SENP2: variants seen among roughly 807,000 people sequenced by gnomAD.
SENP2 encodes the protein SUMO specific peptidase 2.
SENP2 carries 16 observed loss-of-function variants against 86.3 expected under a neutral mutation model. That is an observed-to-expected ratio of 0.19 (90% CI 0.13 to 0.28). The LOEUF is 0.28. Among genes scored for constraint, SENP2 ranks in the 10% least tolerant of loss-of-function variants. SENP2 has a pLI of 1.00. For missense variants in SENP2, 552 were observed against 703.0 expected (o/e 0.79, Z 2.43); for synonymous variants, 222 against 238.7 (o/e 0.93, Z 0.64).
chr3:185,601,121 G>A lies in SENP2; in HGVS notation c.449+266G>A, dbSNP rs146095255. On this transcript the variant is annotated intron_variant, in intron 5 of 16. Coordinates refer to ENST00000296257, the MANE Select transcript of SENP2 (RefSeq NM_021627.3). ...TGCATTGGTGCGATCTTGGCTCACTGTGACCTCTGCCTTCCAGGTTCAAGC... is the reference window on the plus strand; with the variant it reads ...TGCATTGGTGCGATCTTGGCTCACTATGACCTCTGCCTTCCAGGTTCAAGC... Among the ~76,000 whole-genome samples the A allele has an allele frequency of 4.2e-3, 579 of 137,928 alleles. 7 individuals are homozygous for A. The highest frequency in any genetic ancestry group is 0.015 in the African/African-American group (540 of 36,430). The allele number at this position is 137,928 out of a possible 152,430, so 90.5% of individuals were successfully genotyped here. A position where few individuals can be genotyped will look rare whatever the true frequency, so the allele number is the denominator to read the frequency against.
chr3:185,597,920 C>G (rs932126516), intron 2 of SENP2, among the ~76,000 whole-genome samples: 1 of 152,100 alleles, frequency 6.6e-6, no homozygotes, highest in Non-Finnish European at 1.5e-5. Context: ...TCCCAAAGTG[C>G]TGGGATTACA....
At position 185,609,248 on chromosome 3, in the gene SENP2, G is replaced by C; in HGVS notation, c.620G>C (p.Gly207Ala). The C allele has an allele frequency of 1.2e-6, 2 of 1,606,918 alleles. No individual in the cohort carries two copies. Among genetic ancestry groups the C allele is most frequent in the Non-Finnish European group, 1.7e-6 (2 of 1,173,842 alleles). The change falls in exon 7 of 17, where the codon GGT becomes GCT. Residue 207 changes from glycine (G) to alanine (A), a missense_variant and splice_region_variant. By Grantham distance (60) the Gly-to-Ala change is moderately conservative. This residue lies in a region of SENP2 where 383 missense variants were observed against 427.3 expected (regional missense o/e 0.90). Coordinates refer to ENST00000296257, the MANE Select transcript of SENP2 (RefSeq NM_021627.3). ...LRRPHCTVEE[G>A]VQKEEREKYR... ...TCTAACATGCTTTCTTTTATTTAGG[G>C]TGTTCAAAAAGAGGAAAGAGAGAAG...
chr3:185,596,805 G>A (rs906901823), intron 2 of SENP2, among the ~76,000 whole-genome samples: 5 of 152,064 alleles, frequency 3.3e-5, no homozygotes, highest in African/African-American at 1.2e-4. Flanking sequence ...TATGCTCCTT[G>A]TTGTTTAATC....
chr3:185,607,319 CTTTTTTT>C (rs758884593), intron 6 of SENP2, among the ~76,000 whole-genome samples: 12 of 66,010 alleles, frequency 1.8e-4, no homozygotes, highest in African/African-American at 3.5e-4. Flanking sequence ...AGATTAGATT[CTTTTTTT>C]TTTTTTTTTT....
intron 1 of SENP2, among the ~76,000 whole-genome samples, chr3:185,587,894 C>T (rs2148978337): frequency 6.6e-6 from 1 of 150,822 alleles, no homozygotes; most frequent in African/African-American, 2.4e-5. Context: ...GCCACTGCAC[C>T]CGGCTTATAT....
At chr3:185,590,049 T>G (rs1170844028) in intron 1 of SENP2, 65 bp from the exon 2 acceptor site, 6 of 907,314 alleles carry the variant, frequency 6.6e-6, no homozygotes, top group Non-Finnish European at 9.9e-6. Flanking sequence ...AATAGTAAGT[T>G]TACTTACAGA....
Position 185,609,250 on chromosome 3 carries a change from G to A in SENP2, c.622G>A (p.Val208Ile). 1.2e-6 allele frequency: 2 copies of A among 1,609,866 alleles called. No individual in the cohort carries two copies. Among genetic ancestry groups the A allele is most frequent in the Middle Eastern group, 1.7e-4 (1 of 6,048 alleles). ...TAACATGCTTTCTTTTATTTAGGGT[G>A]TTCAAAAAGAGGAAAGAGAGAAGTA... ...RRPHCTVEEG[V>I]QKEEREKYRK... Residue 208 changes from valine to isoleucine, a missense_variant, in exon 7 of 17, where the codon GTT becomes ATT. Val to Ile is a conservative substitution (Grantham distance 29, BLOSUM62 3). Coordinates refer to ENST00000296257, the MANE Select transcript of SENP2 (RefSeq NM_021627.3).
intron 14 of SENP2, among the ~76,000 whole-genome samples, chr3:185,623,107 G>A (rs975087229): frequency 6.6e-6 from 1 of 151,476 alleles, no homozygotes; most frequent in African/African-American, 2.4e-5. Flanking sequence ...GTGAGCCACC[G>A]TGCCCGGTGG....
chr3:185,589,565 A>G (rs1203107728), intron 1 of SENP2, among the ~76,000 whole-genome samples: 1 of 152,242 alleles, frequency 6.6e-6, no homozygotes, highest in Non-Finnish European at 1.5e-5. Context: ...ATTATTTGGT[A>G]AGAAGTTTGT....
At chr3:185,604,469 A>C (rs186704443) in intron 5 of SENP2, among the ~76,000 whole-genome samples, 8 of 152,154 alleles carry the variant, frequency 5.3e-5, no homozygotes, top group Admixed American at 4.6e-4. Context: ...GGTGTTAGTG[A>C]TTTTTCTGTC....
At chr3:185,592,872 C>G (rs572930612) in intron 2 of SENP2, among the ~76,000 whole-genome samples, 36 of 152,304 alleles carry the variant, frequency 2.4e-4, no homozygotes, top group Non-Finnish European at 4.0e-4. Context: ...CTGCCTTGGC[C>G]TCCCAAAGTG....
chr3:185,612,533 C>T, intron 8 of SENP2, 74 bp from the exon 9 acceptor site: 1 of 1,095,248 alleles, frequency 9.1e-7, no homozygotes, highest in Non-Finnish European at 1.4e-6. Flanking sequence ...TGTGGAAACT[C>T]TGTAAGCTGA....
Position 185,586,441 on chromosome 3 carries a change from G to A in SENP2, c.28G>A (p.Gly10Ser). The A allele has an allele frequency of 6.2e-7, 1 of 1,614,050 alleles. No homozygotes were observed. Among genetic ancestry groups the A allele is most frequent in the Non-Finnish European group, 8.5e-7 (1 of 1,180,002 alleles). The change falls in exon 1 of 17, where the codon GGC becomes AGC. Residue 10 changes from glycine (G) to serine (S), a missense_variant. Gly to Ser is a moderately conservative substitution (Grantham distance 56, BLOSUM62 0). Around this residue, in one of 2 missense-constraint regions of SENP2, gnomAD observed 383 missense variants for 427.3 expected, o/e 0.90. Transcript: ENST00000296257. This position sits in a 1 kb window ranked among gnomAD's most constrained non-coding sequence, Gnocchi z 4.3. Reference protein sequence around the residue: MYRWLVRILGTIFRFCDRSV... With the variant: MYRWLVRILSTIFRFCDRSV... Reference sequence around the variant, plus strand: ...GTACAGATGGCTGGTTAGGATTCTCGGCACCATTTTCCGTTTCTGCGACCG... The same window carrying A: ...GTACAGATGGCTGGTTAGGATTCTCAGCACCATTTTCCGTTTCTGCGACCG...
chr3:185,612,668 T>C lies in SENP2; in HGVS notation c.869+10T>C. On this transcript the variant is annotated intron_variant, in intron 9 of 16. Coordinates refer to ENST00000296257, the MANE Select transcript of SENP2 (RefSeq NM_021627.3). The stretch of plus-strand genomic sequence containing the variant: ...TGAGAAGTGAAAAGAGGTACGTACA[T>C]TCAGTTCATTCTACACTTTCTTTTA... The C allele has an allele frequency of 6.3e-7, 1 of 1,575,390 alleles. No individual in the cohort carries two copies. Among genetic ancestry groups the C allele is most frequent in the Non-Finnish European group, 8.7e-7 (1 of 1,145,570 alleles).
chr3:185,614,500 TA>T, intron 10 of SENP2, 63 bp from the exon 11 acceptor site: 1 of 1,423,114 alleles, frequency 7.0e-7, no homozygotes, highest in Non-Finnish European at 9.6e-7. Context: ...ATTTCATGTG[TA>T]ATCTGTGTTT....
intron 1 of SENP2, among the ~76,000 whole-genome samples, chr3:185,587,255 C>G (rs1577712271): frequency 6.6e-6 from 1 of 152,188 alleles, no homozygotes; most frequent in East Asian, 1.9e-4. Context: ...GCCTCAGCCT[C>G]CCAAGTAGCT....
chr3:185,594,096 T>C (rs1722097241), intron 2 of SENP2, among the ~76,000 whole-genome samples: 1 of 151,174 alleles, frequency 6.6e-6, no homozygotes, highest in Non-Finnish European at 1.5e-5. Flanking sequence ...AAAATTATCT[T>C]TTTTTTTTAA....
chr3:185,625,269 G>A (rs1436778807), intron 15 of SENP2, among the ~76,000 whole-genome samples: 2 of 151,884 alleles, frequency 1.3e-5, no homozygotes, highest in Admixed American at 6.6e-5. Context: ...CTGCCACCAC[G>A]CCTGGCTAAT....
chr3:185,600,040 G>A (rs776987027), intron 4 of SENP2, among the ~76,000 whole-genome samples: 2 of 151,994 alleles, frequency 1.3e-5, no homozygotes, highest in Non-Finnish European at 2.9e-5. Flanking sequence ...CAGGTGATCC[G>A]CCCACCTCGG....
Sources: gnomAD v4.1 joint callset for allele counts (sites outside exome capture counted in the v4.1 genomes callset) on GRCh38, gnomAD v4.1.1 for gene constraint, gnomAD v4.1.1 regional missense constraint, Gnocchi (gnomAD v3.1) non-coding constraint, MANE v1.5 for transcripts, NCBI Gene and HGNC (gene_info 2026-07-23, HGNC 2026-07-21) for gene names.